The following SLC25A37 variants were observed in gnomAD, a reference collection of about 807,000 sequenced individuals.
The protein encoded by SLC25A37 is solute carrier family 25 member 37.
SLC25A37 carries 17 observed loss-of-function variants against 31.0 expected under a neutral mutation model. That is an observed-to-expected ratio of 0.55 (90% CI 0.38 to 0.82). The LOEUF (loss-of-function observed/expected upper bound fraction) is 0.82, where lower values mean the gene tolerates loss of function less well. Among genes scored for constraint, SLC25A37 ranks in the 40% least tolerant of loss-of-function variants. SLC25A37 has a pLI of 0.00. For synonymous variants in SLC25A37, 222 were observed against 193.0 expected (o/e 1.15, Z -1.24); for missense variants, 404 against 465.8 (o/e 0.87, Z 1.22).
chr8:23,553,750 A>G (rs1475109897), intron 1 of SLC25A37, among the ~76,000 whole-genome samples: 3 of 152,176 alleles, frequency 2.0e-5, no homozygotes, highest in Non-Finnish European at 4.4e-5. Context: ...ACCAACCACT[A>G]TTGCCCAGTC....
At position 23,572,127 on chromosome 8, in the gene SLC25A37, G is replaced by A. The variant is rs958816293; in HGVS notation, c.*272G>A. The A allele has an allele frequency of 3.8e-5, 11 of 289,452 alleles. No individual in the cohort carries two copies. The highest frequency in any genetic ancestry group is 1.1e-4 in the Admixed American group (2 of 18,880). The allele number at this position is 289,452 out of a possible 1,614,324, so 17.9% of individuals were successfully genotyped here. A position where few individuals can be genotyped will look rare whatever the true frequency, so the allele number is the denominator to read the frequency against. On this transcript the variant is annotated 3_prime_UTR_variant, in exon 4 of 4. Coordinates refer to ENST00000519973, the MANE Select transcript of SLC25A37 (RefSeq NM_016612.4). Reference sequence around the variant, plus strand: ...TCCCTGGGCAGAATGTAGCTTTTCTGCTTCACTGTGGCAGCCTCCTCCCTG... The same window carrying A: ...TCCCTGGGCAGAATGTAGCTTTTCTACTTCACTGTGGCAGCCTCCTCCCTG...
Position 23,529,122 on chromosome 8 carries a change from G to T in SLC25A37, c.120G>T (p.Pro40=). 6.2e-7 allele frequency: 1 copy of T among 1,611,204 alleles called. No individual in the cohort carries two copies. Among genetic ancestry groups the T allele is most frequent in the Non-Finnish European group, 8.5e-7 (1 of 1,179,142 alleles). The change falls in exon 1 of 4, where the codon CCG becomes CCT. Residue 40 remains proline, a synonymous_variant. Transcript: ENST00000519973. This position sits in a 1 kb window ranked among gnomAD's most constrained non-coding sequence, Gnocchi z 4.1. ...ATGSEDYENL[P]TSASVSTHMT... is the part of the protein sequence containing the mutation. ...GGTCGGAGGACTACGAGAACCTGCC[G>T]ACTAGCGCCTCCGTGTCCACCCACA... is the stretch of plus-strand genomic sequence containing the variant.
intron 1 of SLC25A37, chr8:23,542,000 A>G (rs1404427237): frequency 6.6e-6 from 1 of 152,264 alleles, no homozygotes; most frequent in Non-Finnish European, 1.5e-5. Flanking sequence ...ATTCACAGTA[A>G]TGTGGCTCCC....
intron 1 of SLC25A37, among the ~76,000 whole-genome samples, chr8:23,549,880 C>T (rs1001074227): frequency 2.9e-5 from 4 of 138,226 alleles, no homozygotes; most frequent in Non-Finnish European, 4.5e-5. Flanking sequence ...AGGTGCATTG[C>T]GCTAGGGGAG....
intron 1 of SLC25A37, among the ~76,000 whole-genome samples, chr8:23,538,057 TGAA>T (rs1563251241): frequency 7.4e-6 from 1 of 135,178 alleles, no homozygotes; most frequent in Non-Finnish European, 1.6e-5. Flanking sequence ...TTAAAAAAGA[TGAA>T]AAAAAAAAAA....
At chr8:23,545,333 C>T (rs531931847) in intron 1 of SLC25A37, among the ~76,000 whole-genome samples, 1 of 152,202 alleles carries the variant, frequency 6.6e-6, no homozygotes, top group Non-Finnish European at 1.5e-5. Context: ...TGTAGCCTTC[C>T]TCTCTCAGAG....
intron 1 of SLC25A37, among the ~76,000 whole-genome samples, chr8:23,565,869 C>T (rs796834025): frequency 6.6e-6 from 1 of 152,266 alleles, no homozygotes. Context: ...TACTCTTCCA[C>T]AGCCTTCTCT....
Position 23,572,202 on chromosome 8 carries a change from G to A in SLC25A37, c.*347G>A, listed in dbSNP as rs1156469313. 1 of 58,562 alleles carries A rather than the reference G, an allele frequency of 1.7e-5. No individual in the cohort carries two copies. The highest frequency in any genetic ancestry group is 1.3e-4 in the African/African-American group (1 of 7,510). The allele number at this position is 58,562 out of a possible 1,614,324, so 3.6% of individuals were successfully genotyped here. On this transcript the variant is annotated 3_prime_UTR_variant, in exon 4 of 4. Coordinates refer to ENST00000519973, the MANE Select transcript of SLC25A37 (RefSeq NM_016612.4). ...AGAAAATTTGCAGTGACTGAAAACAGTAAAAAAAAAAAAAAAAAAAAAAAA... is the reference window on the plus strand; with the variant it reads ...AGAAAATTTGCAGTGACTGAAAACAATAAAAAAAAAAAAAAAAAAAAAAAA...
chr8:23,544,828 G>A (rs1030085510), intron 1 of SLC25A37, among the ~76,000 whole-genome samples: 14 of 152,132 alleles, frequency 9.2e-5, no homozygotes, highest in African/African-American at 3.1e-4. Flanking sequence ...GTCATCAGGT[G>A]GCAGCTCTTC....
Position 23,573,831 on chromosome 8 carries a change from C to A in SLC25A37, c.*1976C>A, listed in dbSNP as rs3736034. ...CGCCTTCTCCCTGCTCTGCCCCCCA[C>A]TCCCCAAAACCAGTTGCAGCCTCAA... On this transcript the variant is annotated 3_prime_UTR_variant, in exon 4 of 4. Transcript: ENST00000519973. The A allele has an allele frequency of 0.074, 33,730 of 456,626 alleles. 1,542 individuals are homozygous for A. Among genetic ancestry groups the A allele is most frequent in the African/African-American group, 0.14 (7,070 of 50,168 alleles). 28.3% of individuals were successfully genotyped at this position (456,626 alleles called of 1,614,324 possible).
chr8:23,555,298 G>A (rs1355788727), intron 1 of SLC25A37, among the ~76,000 whole-genome samples: 1 of 152,174 alleles, frequency 6.6e-6, no homozygotes, highest in African/African-American at 2.4e-5. Flanking sequence ...AGAGATTGTA[G>A]TGACAGCTCT....
Position 23,572,411 on chromosome 8 carries a change from T to TA in SLC25A37, c.*556_*557insA, listed in dbSNP as rs1802886010. 6.6e-6 allele frequency: 1 copy of TA among 152,596 alleles called. No individual in the cohort carries two copies. The highest frequency in any genetic ancestry group is 1.9e-4 in the East Asian group (1 of 5,192). 9.5% of individuals were successfully genotyped at this position (152,596 alleles called of 1,614,324 possible). ...AGCTGTTTTTGTTGTTGTTATGTTT[T>TA]TAAGAGGGTTGAATTCTTCCATCAG... On this transcript the variant is annotated 3_prime_UTR_variant, in exon 4 of 4. Coordinates refer to ENST00000519973, the MANE Select transcript of SLC25A37 (RefSeq NM_016612.4).
intron 1 of SLC25A37, among the ~76,000 whole-genome samples, chr8:23,553,491 T>C (rs374469371): frequency 1.3e-5 from 2 of 152,114 alleles, no homozygotes; most frequent in African/African-American, 2.4e-5. Flanking sequence ...TCCTTACTTA[T>C]GAGTGGGATG....
intron 1 of SLC25A37, among the ~76,000 whole-genome samples, chr8:23,552,917 G>A (rs1034931631): frequency 1.3e-5 from 2 of 152,150 alleles, no homozygotes; most frequent in Non-Finnish European, 2.9e-5. Flanking sequence ...GTGCAAAACC[G>A]ATGATGGCAG....
chr8:23,546,394 A>G (rs35691692), intron 1 of SLC25A37, among the ~76,000 whole-genome samples: 56,520 of 151,216 alleles, frequency 0.37, 12,175 homozygotes, highest in East Asian at 0.61. Flanking sequence ...TCAAGTGTAC[A>G]TAAGTAAGAC....
chr8:23,557,103 G>A (rs1310672908), intron 1 of SLC25A37, among the ~76,000 whole-genome samples: 1 of 152,074 alleles, frequency 6.6e-6, no homozygotes, highest in Admixed American at 6.5e-5. Flanking sequence ...TGCCCGCCTC[G>A]GCCTCCCAAA....
intron 1 of SLC25A37, among the ~76,000 whole-genome samples, chr8:23,532,837 A>G (rs1372985621): frequency 3.9e-5 from 6 of 152,224 alleles, no homozygotes. Flanking sequence ...GGCTGCAGGC[A>G]GACTGGTAGG....
intron 3 of SLC25A37, chr8:23,568,820 G>T: frequency 5.1e-6 from 1 of 195,618 alleles, no homozygotes; most frequent in Non-Finnish European, 1.1e-5. Context: ...GTGTGCACCT[G>T]TAATCCCAGC....
At chr8:23,552,943 G>A (rs1241856450) in intron 1 of SLC25A37, among the ~76,000 whole-genome samples, 1 of 152,196 alleles carries the variant, frequency 6.6e-6, no homozygotes, top group Non-Finnish European at 1.5e-5. Context: ...CCGGGCTGCA[G>A]CGTGGAGCGG....
Sources: gnomAD v4.1 joint callset for allele counts (sites outside exome capture counted in the v4.1 genomes callset) on GRCh38, gnomAD v4.1.1 for gene constraint, Gnocchi (gnomAD v3.1) non-coding constraint, MANE v1.5 for transcripts, NCBI Gene and HGNC (gene_info 2026-07-23, HGNC 2026-07-21) for gene names.